MIDN: variants seen among roughly 807,000 people sequenced by gnomAD.
The protein encoded by MIDN is midnolin, also known as midbrain nucleolar protein.
MIDN carries 26 observed loss-of-function variants against 46.1 expected under a neutral mutation model. The ratio of observed to expected loss-of-function variants is 0.56; its 90% CI spans 0.41 to 0.78. MIDN has a LOEUF of 0.78. Among genes scored for constraint, MIDN ranks in the 30% least tolerant of loss-of-function variants. The pLI, the probability that MIDN is intolerant of heterozygous loss-of-function variation, is 0.00. For synonymous variants in MIDN, 432 were observed against 343.3 expected (o/e 1.26, Z -2.86); for missense variants, 850 against 771.8 (o/e 1.10, Z -1.20).
intron 2 of MIDN, 49 bp downstream of exon 2, chr19:1,250,578 C>G (rs754660228): frequency 4.9e-6 from 5 of 1,025,548 alleles, no homozygotes; most frequent in South Asian, 4.3e-5. Flanking sequence ...CCCCGGCCCC[C>G]GGGCGGGAAC....
intron 1 of MIDN, among the ~76,000 whole-genome samples, chr19:1,249,646 C>T (rs1427311572): frequency 6.8e-6 from 1 of 147,838 alleles, no homozygotes; most frequent in Non-Finnish European, 1.5e-5. Flanking sequence ...GCCCCGCCCC[C>T]GCTGCGCTCC....
intron 7 of MIDN, among the ~76,000 whole-genome samples, 157 bp downstream of exon 7, chr19:1,255,218 C>A (rs771268179): frequency 2.6e-5 from 4 of 152,146 alleles, no homozygotes; most frequent in Non-Finnish European, 4.4e-5. Flanking sequence ...CCCACACACA[C>A]GCCTGGCCCT....
chr19:1,250,381 G>A lies in MIDN; in HGVS notation c.85G>A (p.Ala29Thr), dbSNP rs1415940793. 8.3e-7 allele frequency: 1 copy of A among 1,205,366 alleles called. No individual in the cohort carries two copies. Among genetic ancestry groups the A allele is most frequent in the Non-Finnish European group, 1.0e-6 (1 of 955,932 alleles). 74.7% of individuals were successfully genotyped at this position (1,205,366 alleles called of 1,614,324 possible). A position where few individuals can be genotyped will look rare whatever the true frequency, so the allele number is the denominator to read the frequency against. The change falls in exon 2 of 9, where the codon GCG (alanine) becomes ACG (threonine). Residue 29 changes from alanine to threonine, a missense_variant. Coordinates refer to ENST00000682408, the MANE Select transcript of MIDN (RefSeq NM_001388306.1). ...ACELGPAAEA[A>T]PMSLAIHSTT... is the part of the protein sequence containing the mutation. The stretch of plus-strand genomic sequence containing the variant: ...CGAGCTGGGCCCGGCGGCCGAGGCG[G>A]CGCCCATGAGCCTCGCCATCCACAG...
rs746796602 is a variant in MIDN, at chr19:1,254,163, G to C, written c.514-4G>C. 7 of 1,592,164 alleles carry C rather than the reference G, an allele frequency of 4.4e-6. No individual in the cohort carries two copies. The Admixed American group carries it at 6.8e-5, about 15-fold the overall frequency. On this transcript the variant is annotated splice_polypyrimidine_tract_variant and splice_region_variant and intron_variant, in intron 5 of 8. Coordinates refer to ENST00000682408, the MANE Select transcript of MIDN (RefSeq NM_001388306.1). ...TCCCAGCTGACGGACCGCTCTCCTT[G>C]CAGGTCAGTGACTTCCTGTCGGGCC...
At chr19:1,255,194 TCCCC>T in intron 7 of MIDN, 133 bp downstream of exon 7, 1 of 1,210,160 alleles carries the variant, frequency 8.3e-7, no homozygotes, top group Non-Finnish European at 1.1e-6. Flanking sequence ...ACTTCACATG[TCCCC>T]CAGGAATCCC....
rs768145247 is a variant in MIDN at position 1,258,965 on chromosome 19, C to T, written c.*1693C>T. 3 of 151,904 alleles carry T rather than the reference C, an allele frequency of 2.0e-5. No homozygotes were observed. Among genetic ancestry groups the T allele is most frequent in the East Asian group, 1.9e-4 (1 of 5,196 alleles). The allele number at this position is 151,904 out of a possible 1,614,324, so 9.4% of individuals were successfully genotyped here. The stretch of plus-strand genomic sequence containing the variant: ...GGTGGAACCTCCAGGCAGGAACCGG[C>T]TCGCCACCCTCTGCCCGGTAAGGGC... On this transcript the variant is annotated 3_prime_UTR_variant, in exon 9 of 9. Coordinates refer to ENST00000682408, the MANE Select transcript of MIDN (RefSeq NM_001388306.1).
rs754660228 is a variant in MIDN, at chr19:1,250,578, C to T, written c.233+49C>T. On this transcript the variant is annotated intron_variant, in intron 2 of 8. Transcript: ENST00000682408. The stretch of plus-strand genomic sequence containing the variant: ...GGCCGCCCCCTCGGGCCCCGGCCCC[C>T]GGGCGGGAACAAAGAGCGCGCCGCG... 16 of 1,025,554 alleles carry T rather than the reference C, an allele frequency of 1.6e-5. No individual in the cohort carries two copies. In the African/African-American group the frequency reaches 1.7e-4, roughly 11 times the overall value. The allele number at this position is 1,025,554 out of a possible 1,614,324, so 63.5% of individuals were successfully genotyped here.
chr19:1,251,480 G>C, intron 2 of MIDN, 82 bp from the exon 3 acceptor site: 1 of 1,290,054 alleles, frequency 7.8e-7, no homozygotes, highest in Non-Finnish European at 1.1e-6. Context: ...CCCCACACAA[G>C]CACAGCCCTC....
Position 1,254,474 on chromosome 19 carries a change from C to A in MIDN, c.821C>A (p.Pro274Gln). The change falls in exon 6 of 9, where the codon CCG (proline) becomes CAG (glutamine). Residue 274 changes from proline (P) to glutamine (Q), a missense_variant. Pro to Gln is a moderately conservative substitution (Grantham distance 76, BLOSUM62 -1). Coordinates refer to ENST00000682408, the MANE Select transcript of MIDN (RefSeq NM_001388306.1). ...FRSHAASTTC[P>Q]EQMDCSPTAS... Reference sequence around the variant, plus strand: ...TCCCACGCAGCCTCCACCACCTGCCCGGAGGTGAGCCTGGGGAAGGGAAGG... The same window carrying A: ...TCCCACGCAGCCTCCACCACCTGCCAGGAGGTGAGCCTGGGGAAGGGAAGG... The A allele has an allele frequency of 6.4e-7, 1 of 1,552,568 alleles. No homozygotes were observed. Among genetic ancestry groups the A allele is most frequent in the East Asian group, 2.4e-5 (1 of 42,254 alleles).
At chr19:1,256,954 G>T (rs765709808) in intron 8 of MIDN, 41 bp from the exon 9 acceptor site, 3 of 1,600,716 alleles carry the variant, frequency 1.9e-6, no homozygotes, top group Non-Finnish European at 2.5e-6. Flanking sequence ...TGTTCAGCAG[G>T]TGGAGGCTTT....
chr19:1,257,233 A>G lies in MIDN; in HGVS notation c.1497A>G (p.Glu499=). Residue 499 remains glutamate (E), a synonymous_variant, in exon 9 of 9, where the codon GAA becomes GAG. Coordinates refer to ENST00000682408, the MANE Select transcript of MIDN (RefSeq NM_001388306.1). ...TCGAGGACTCCGTGTGGAAGCCAGA[A>G]GTCAACCCTGACATCAAGTCAGAGT... The part of the protein sequence containing the change: ...LDFEDSVWKP[E]VNPDIKSEFV... The G allele has an allele frequency of 1.9e-6, 3 of 1,612,164 alleles. No individual in the cohort carries two copies. Among genetic ancestry groups the G allele is most frequent in the South Asian group, 1.1e-5 (1 of 91,082 alleles).
At chr19:1,250,604 C>G (rs2081113679) in intron 2 of MIDN, 75 bp downstream of exon 2, 2 of 844,396 alleles carry the variant, frequency 2.4e-6, no homozygotes, top group African/African-American at 1.9e-5. Flanking sequence ...GCGCGCCGCG[C>G]GGGGAAGGCA....
In MIDN at chr19:1,250,437, G is replaced by C. The variant is rs1223735198; in HGVS notation, c.141G>C (p.Val47=). The C allele has an allele frequency of 1.0e-5, 14 of 1,382,186 alleles. No homozygotes were observed. The highest frequency in any genetic ancestry group is 1.2e-5 in the Non-Finnish European group (13 of 1,046,268). 85.6% of individuals were successfully genotyped at this position (1,382,186 alleles called of 1,614,324 possible). The stretch of plus-strand genomic sequence containing the variant: ...CGGGCACCCGCTACGACCTGGCCGT[G>C]CCGCCCGACGAGACGGTGGAGGGGC... ...STTGTRYDLA[V]PPDETVEGLR... The change falls in exon 2 of 9, where the codon GTG becomes GTC. Residue 47 remains valine, a synonymous_variant. Coordinates refer to ENST00000682408, the MANE Select transcript of MIDN (RefSeq NM_001388306.1).
Position 1,254,305 on chromosome 19 carries a change from G to A in MIDN, c.652G>A (p.Ala218Thr), listed in dbSNP as rs201144803. Residue 218 changes from alanine (A) to threonine (T), a missense_variant, in exon 6 of 9, where the codon GCC (alanine) becomes ACC (threonine). Coordinates refer to ENST00000682408, the MANE Select transcript of MIDN (RefSeq NM_001388306.1). ...HRHVLAAAAA[A>T]AAARGDPSIA... is the part of the protein sequence containing the mutation. ...CCATGTGCTGGCCGCTGCGGCCGCC[G>A]CCGCTGCTGCGCGGGGGGACCCCAG... The A allele has an allele frequency of 1.4e-4, 220 of 1,567,954 alleles. No individual in the cohort carries two copies. The African/African-American group carries it at 2.2e-3, about 16-fold the overall frequency.
rs1327618643 is a variant in MIDN, at chr19:1,252,501, G to A, written c.384+600G>A. On this transcript the variant is annotated intron_variant, in intron 4 of 8. Coordinates refer to ENST00000682408, the MANE Select transcript of MIDN (RefSeq NM_001388306.1). ...AAATATTTAGTAAGCGGCCAGGAGG[G>A]AGGCTGGGGCTGGCCCTCACCCGGT... Among the ~76,000 whole-genome samples the A allele has an allele frequency of 2.6e-5, 4 of 152,322 alleles. No homozygotes were observed. In the East Asian group the frequency reaches 7.7e-4, roughly 29 times the overall value.
At chr19:1,252,763 C>A (rs549133381) in intron 4 of MIDN, among the ~76,000 whole-genome samples, 14 of 152,238 alleles carry the variant, frequency 9.2e-5, no homozygotes, top group Non-Finnish European at 1.9e-4. Context: ...GCTTTCCCAG[C>A]GGCATGTAGA....
chr19:1,252,385 CCT>C (rs932622711), intron 4 of MIDN, among the ~76,000 whole-genome samples: 1 of 151,786 alleles, frequency 6.6e-6, no homozygotes, highest in Non-Finnish European at 1.5e-5. Context: ...ACCCTCCCCT[CCT>C]CTCTCTGGCC....
chr19:1,254,383 G>T lies in MIDN; in HGVS notation c.730G>T (p.Val244Phe). The change falls in exon 6 of 9, where the codon GTC (valine) becomes TTC (phenylalanine). Residue 244 changes from valine (V) to phenylalanine (F), a missense_variant. Physicochemically the swap from Val to Phe is conservative, Grantham distance 50 (BLOSUM62 -1). Transcript: ENST00000682408. ...CCGGCCGGTGTCCAGTGCCGCCCGA[G>T]TCCCCCCGGTGCCCACCAGCCCGTC... is the stretch of plus-strand genomic sequence containing the variant. ...PCRPVSSAAR[V>F]PPVPTSPSPA... The T allele has an allele frequency of 6.4e-7, 1 of 1,561,254 alleles. No homozygotes were observed. The highest frequency in any genetic ancestry group is 8.6e-7 in the Non-Finnish European group (1 of 1,160,390).
intron 4 of MIDN, among the ~76,000 whole-genome samples, chr19:1,252,253 T>G (rs550202411): frequency 1.6e-3 from 238 of 151,944 alleles, no homozygotes; most frequent in African/African-American, 5.5e-3. Flanking sequence ...CTCCAGCCGC[T>G]GTGGCTTCCC....
Sources: gnomAD v4.1 joint callset for allele counts (sites outside exome capture counted in the v4.1 genomes callset) on GRCh38, gnomAD v4.1.1 for gene constraint, MANE v1.5 for transcripts, NCBI Gene and HGNC (gene_info 2026-07-23, HGNC 2026-07-21) for gene names.